CSNK1D: variants seen among roughly 807,000 people sequenced by gnomAD.
CSNK1D encodes the protein casein kinase I isoform delta.
Under a neutral mutation model 46.6 loss-of-function variants are expected in CSNK1D, and 16 were observed. That is an observed-to-expected ratio of 0.34 (90% confidence interval 0.23 to 0.52). The LOEUF is 0.52. CSNK1D is among the 20% of genes least tolerant of loss of function. The pLI is 0.95. For missense variants in CSNK1D, 398 were observed against 578.4 expected (o/e 0.69, Z 3.20); for synonymous variants, 276 against 228.2 (o/e 1.21, Z -1.89).
At position 82,251,620 on chromosome 17, in the gene CSNK1D, C is replaced by A; in HGVS notation, c.737-93G>T. 7.9e-7 allele frequency: 1 copy of A among 1,269,660 alleles called. No homozygotes were observed. Among genetic ancestry groups the A allele is most frequent in the Non-Finnish European group, 1.1e-6 (1 of 880,738 alleles). 78.6% of individuals were successfully genotyped at this position (1,269,660 alleles called of 1,614,324 possible). On this transcript the variant is annotated intron_variant, in intron 5 of 8. Coordinates refer to ENST00000314028, the MANE Select transcript of CSNK1D (RefSeq NM_001893.6). This position sits in a 1 kb window ranked among gnomAD's most constrained non-coding sequence, Gnocchi z 4.5. ...TCGCTGTCTACCTCCTGCTGCTGCA[C>A]ACTCAAGGGGAGAAGGACAGATGCA...
chr17:82,242,529 C>T, downstream of CSNK1D: 1 of 668,402 alleles, frequency 1.5e-6, no homozygotes, highest in Non-Finnish European at 1.8e-6. Flanking sequence ...AGCTCTCCTG[C>T]TCTGCCAGCT....
rs80109426 is a variant in CSNK1D, at chr17:82,258,798, T to C, written c.188-3221A>G. Among the ~76,000 whole-genome samples the C allele has an allele frequency of 8.0e-3, 1,219 of 152,324 alleles. 27 individuals are homozygous for C. Among genetic ancestry groups the C allele is most frequent in the South Asian group, 0.072 (346 of 4,830 alleles). ...CAGGACTCCTCTTAACAGAGAATGA[T>C]AAATACTTAGAAACCCCTGAGGCCC... On this transcript the variant is annotated intron_variant, in intron 2 of 8. Transcript: ENST00000314028.
At chr17:82,240,508 T>A (rs537336829), downstream of CSNK1D, among the ~76,000 whole-genome samples, 3 of 152,044 alleles carry the variant, frequency 2.0e-5, no homozygotes, top group African/African-American at 4.8e-5. Context: ...CTTACAGAGG[T>A]ACTGGCAGGG....
rs577545725 is a variant in CSNK1D, at chr17:82,258,338, A to G, written c.188-2761T>C. 2.4e-3 allele frequency among the ~76,000 whole-genome samples: 362 copies of G among 150,244 alleles called. 2 individuals carry two copies. The highest frequency in any genetic ancestry group is 6.7e-3 in the South Asian group (32 of 4,786). Reference sequence around the variant, plus strand: ...TATATATAAACCTGAACATATGTGTATATATATATATTATATATATGCAAA... The same window carrying G: ...TATATATAAACCTGAACATATGTGTGTATATATATATTATATATATGCAAA... On this transcript the variant is annotated intron_variant, in intron 2 of 8. Transcript: ENST00000314028.
intron 8 of CSNK1D, chr17:82,247,239 G>A (rs571544496): frequency 1.2e-5 from 12 of 985,402 alleles, no homozygotes; most frequent in East Asian, 1.1e-4. Context: ...AGCCAGCTGC[G>A]GGTTCCTGCC....
Position 82,260,231 on chromosome 17 carries a change from T to TGAGTGATGTGACTGATGGTATACC in CSNK1D, c.188-4678_188-4655dup, listed in dbSNP as rs1555793971. Among the ~76,000 whole-genome samples, 911 of 149,830 alleles carry TGAGTGATGTGACTGATGGTATACC rather than the reference T, an allele frequency of 6.1e-3. 27 individuals are homozygous for TGAGTGATGTGACTGATGGTATACC. The highest frequency in any genetic ancestry group is 0.02 in the African/African-American group (814 of 39,748). ...CTGACTGATGTGACTGATGGTGTAC[T>TGAGTGATGTGACTGATGGTATACC]GAGTGATGTGACTGATGGTATACCG... On this transcript the variant is annotated intron_variant, in intron 2 of 8. Coordinates refer to ENST00000314028, the MANE Select transcript of CSNK1D (RefSeq NM_001893.6).
rs188329926 is a variant in CSNK1D at position 82,270,930 on chromosome 17, T to C, written c.76+2376A>G. On this transcript the variant is annotated intron_variant, in intron 1 of 8. Coordinates refer to ENST00000314028, the MANE Select transcript of CSNK1D (RefSeq NM_001893.6). ...GCGAGGTGAGGCCTGGAGGGTAGAA[T>C]GCTGAGTGAGGAGACAGCCTTCCAC... Among the ~76,000 whole-genome samples, 595 of 152,302 alleles carry C rather than the reference T, an allele frequency of 3.9e-3. 2 individuals are homozygous for C. Among genetic ancestry groups the C allele is most frequent in the South Asian group, 0.028 (137 of 4,828 alleles).
chr17:82,260,029 G>A (rs961611979), intron 2 of CSNK1D, among the ~76,000 whole-genome samples: 1 of 130,578 alleles, frequency 7.7e-6, no homozygotes, highest in African/African-American at 4.3e-5. Flanking sequence ...GACTGATGGT[G>A]TACTGACTGA....
chr17:82,273,479 C>G lies in CSNK1D; in HGVS notation c.-98G>C, dbSNP rs927433568. ...TGCTGCCGCTACTGCGGGTCCGGCT[C>G]CCGGCTCCGCCCCCCTCACGGCCCC... On this transcript the variant is annotated 5_prime_UTR_variant, in exon 1 of 9. Transcript: ENST00000314028. This position sits in a 1 kb window ranked among gnomAD's most constrained non-coding sequence, Gnocchi z 5.1. 3 of 1,426,636 alleles carry G rather than the reference C, an allele frequency of 2.1e-6. No homozygotes were observed. Among genetic ancestry groups the G allele is most frequent in the Non-Finnish European group, 2.9e-6 (3 of 1,039,396 alleles). 88.4% of individuals were successfully genotyped at this position (1,426,636 alleles called of 1,614,324 possible). A position where few individuals can be genotyped will look rare whatever the true frequency, so the allele number is the denominator to read the frequency against.
chr17:82,243,942 C>A lies in CSNK1D; in HGVS notation c.*839G>T. 1 of 985,876 alleles carries A rather than the reference C, an allele frequency of 1.0e-6. No homozygotes were observed. 61.1% of individuals were successfully genotyped at this position (985,876 alleles called of 1,614,324 possible). On this transcript the variant is annotated 3_prime_UTR_variant, in exon 9 of 9. Transcript: ENST00000314028. ...AAAGCCTCTGCTTCCAAGCTCTCAG[C>A]TGCCTGCCCACCTCCTGGGGAAGAA...
At chr17:82,245,064 C>G (rs925460313) in intron 8 of CSNK1D, 4 of 624,906 alleles carry the variant, frequency 6.4e-6, no homozygotes, top group Non-Finnish European at 1.1e-5. Context: ...AAGGTGCCCG[C>G]GGAGCCGGGC....
downstream of CSNK1D, among the ~76,000 whole-genome samples, chr17:82,242,221 G>A (rs577613932): frequency 6.6e-6 from 1 of 151,504 alleles, no homozygotes; most frequent in Non-Finnish European, 1.5e-5. Context: ...CTGGGGGGGG[G>A]GGGAAGAGGA....
At chr17:82,239,564 C>T (rs1007422888), downstream of CSNK1D, 10 of 190,350 alleles carry the variant, frequency 5.3e-5, no homozygotes, top group South Asian at 1.9e-4. Flanking sequence ...CTGTTCCTAC[C>T]GTGGCTCTGT....
chr17:82,271,722 A>C (rs2051629520), intron 1 of CSNK1D, among the ~76,000 whole-genome samples: 1 of 152,200 alleles, frequency 6.6e-6, no homozygotes, highest in Non-Finnish European at 1.5e-5. Context: ...ATTCGTCCTA[A>C]CGCTGTCAGC....
intron 1 of CSNK1D, among the ~76,000 whole-genome samples, chr17:82,266,357 C>T (rs1376627136): frequency 6.6e-6 from 1 of 152,226 alleles, no homozygotes; most frequent in African/African-American, 2.4e-5. Context: ...CGGAGGGAGG[C>T]CCTTCTCCCT....
At position 82,244,773 on chromosome 17, in the gene CSNK1D, G is replaced by C. The variant is rs188646011; in HGVS notation, c.*8C>G. Reference sequence around the variant, plus strand: ...ATTGTCTGCCCTTCACAGCAATAAGGAGAGTTCTCATCGGTGCACGACAGA... The same window carrying C: ...ATTGTCTGCCCTTCACAGCAATAAGCAGAGTTCTCATCGGTGCACGACAGA... On this transcript the variant is annotated 3_prime_UTR_variant, in exon 9 of 9. Transcript: ENST00000314028. 28 of 1,613,972 alleles carry C rather than the reference G, an allele frequency of 1.7e-5. No homozygotes were observed. The East Asian group carries it at 5.1e-4, about 30-fold the overall frequency.
intron 8 of CSNK1D, chr17:82,246,293 A>G: frequency 1.4e-6 from 2 of 1,386,046 alleles, no homozygotes; most frequent in Non-Finnish European, 1.9e-6. Context: ...GGCCCTCCTG[A>G]GTCTTCTCAA....
At chr17:82,271,752 C>G (rs1208203918) in intron 1 of CSNK1D, among the ~76,000 whole-genome samples, 4 of 152,244 alleles carry the variant, frequency 2.6e-5, no homozygotes, top group African/African-American at 4.8e-5. Flanking sequence ...CCTGAGTCCT[C>G]TCTCTGGTGA....
At position 82,250,499 on chromosome 17, in the gene CSNK1D, C is replaced by T; in HGVS notation, c.885+880G>A. ...CCGGCAGAGGGACTGATCTGCCCTG[C>T]CGAGTGCACCCCTCCCGGCACCTGG... On this transcript the variant is annotated intron_variant, in intron 6 of 8. Transcript: ENST00000314028. The surrounding 1 kb of genome is among the most constrained non-coding windows in gnomAD (Gnocchi z 4.6). 1 of 276,702 alleles carries T rather than the reference C, an allele frequency of 3.6e-6. No individual in the cohort carries two copies. The highest frequency in any genetic ancestry group is 7.3e-6 in the Non-Finnish European group (1 of 136,970). 17.1% of individuals were successfully genotyped at this position (276,702 alleles called of 1,614,324 possible).
Sources: gnomAD v4.1 joint callset for allele counts (sites outside exome capture counted in the v4.1 genomes callset) on GRCh38, gnomAD v4.1.1 for gene constraint, Gnocchi (gnomAD v3.1) non-coding constraint, MANE v1.5 for transcripts, NCBI Gene and HGNC (gene_info 2026-07-23, HGNC 2026-07-21) for gene names.